The following BICRAL variants were observed in gnomAD, a reference collection of about 807,000 sequenced individuals.
BICRAL encodes the protein BRD4-interacting chromatin-remodeling complex-associated protein-like.
Under a neutral mutation model 91.8 loss-of-function variants are expected in BICRAL, and 8 were observed. That is an observed-to-expected ratio of 0.09 (90% CI 0.05 to 0.16). BICRAL has a LOEUF of 0.16. Among genes scored for constraint, BICRAL ranks in the 10% least tolerant of loss-of-function variants. BICRAL has a pLI of 1.00. For synonymous variants in BICRAL, 445 were observed against 491.1 expected (o/e 0.91, Z 1.24); for missense variants, 1,038 against 1,310.9 (o/e 0.79, Z 3.21).
intron 1 of BICRAL, among the ~76,000 whole-genome samples, chr6:42,787,137 T>C (rs147785802): frequency 2.4e-4 from 37 of 152,232 alleles, no homozygotes; most frequent in Non-Finnish European, 4.3e-4. Flanking sequence ...CTTTTACATA[T>C]GTATTTTGGA....
intron 1 of BICRAL, among the ~76,000 whole-genome samples, chr6:42,750,415 C>T (rs903480335): frequency 2.0e-5 from 3 of 151,992 alleles, no homozygotes; most frequent in Non-Finnish European, 4.4e-5. Context: ...CTGCCCACCT[C>T]GGCCCCTGGA....
rs59693040 is a variant in BICRAL, at chr6:42,832,578, CGT to C, written c.1839+2435_1839+2436del. 9.4e-3 allele frequency among the ~76,000 whole-genome samples: 1,334 copies of C among 142,390 alleles called. 12 individuals are homozygous for C. The highest frequency in any genetic ancestry group is 0.022 in the African/African-American group (868 of 38,898). The allele number at this position is 142,390 out of a possible 152,430, so 93.4% of individuals were successfully genotyped here. On this transcript the variant is annotated intron_variant, in intron 6 of 12. Coordinates refer to ENST00000314073, the MANE Select transcript of BICRAL (RefSeq NM_001393499.1). ...TTTGGTTTCAAAGATATCAAAGGGG[CGT>C]GTGTGTGTGTGTGTGTGTGTGTGTG...
chr6:42,812,231 G>A (rs1763860436), intron 2 of BICRAL, among the ~76,000 whole-genome samples: 1 of 152,146 alleles, frequency 6.6e-6, no homozygotes, highest in Non-Finnish European at 1.5e-5. Flanking sequence ...TGGCGGAGGT[G>A]GCGGATTGCT....
At chr6:42,789,420 C>G (rs548192642) in intron 1 of BICRAL, among the ~76,000 whole-genome samples, 3 of 152,016 alleles carry the variant, frequency 2.0e-5, no homozygotes, top group Non-Finnish European at 4.4e-5. Flanking sequence ...GCAGGCAAAT[C>G]GTTTGAGGCC....
At chr6:42,848,594 C>T (rs925933182) in intron 6 of BICRAL, among the ~76,000 whole-genome samples, 6 of 152,310 alleles carry the variant, frequency 3.9e-5, no homozygotes, top group Admixed American at 2.0e-4. Flanking sequence ...CCTATAACCC[C>T]GCACTTTAGG....
At chr6:42,813,663 G>A (rs1763899662) in intron 2 of BICRAL, among the ~76,000 whole-genome samples, 1 of 152,046 alleles carries the variant, frequency 6.6e-6, no homozygotes, top group African/African-American at 2.4e-5. Flanking sequence ...TGGGATTACA[G>A]GTGCGCACCA....
At chr6:42,757,944 G>A (rs1203246411) in intron 1 of BICRAL, among the ~76,000 whole-genome samples, 2 of 152,182 alleles carry the variant, frequency 1.3e-5, no homozygotes, top group Non-Finnish European at 2.9e-5. Flanking sequence ...TGGCTCCTGA[G>A]TTCAGGCTTC....
At chr6:42,781,033 G>C (rs545869512), upstream of BICRAL, among the ~76,000 whole-genome samples, 1 of 151,870 alleles carries the variant, frequency 6.6e-6, no homozygotes, top group Non-Finnish European at 1.5e-5. Context: ...CACCGCGCCC[G>C]GCCTGGGCCA....
intron 2 of BICRAL, among the ~76,000 whole-genome samples, chr6:42,815,294 A>G (rs1451112180): frequency 6.6e-6 from 1 of 150,554 alleles, no homozygotes; most frequent in Non-Finnish European, 1.5e-5. Flanking sequence ...GGATCAGGCA[A>G]TTCTCCTGCC....
chr6:42,832,819 A>G (rs1764531299), intron 6 of BICRAL, among the ~76,000 whole-genome samples: 2 of 152,156 alleles, frequency 1.3e-5, no homozygotes, highest in African/African-American at 2.4e-5. Context: ...AATTACCTCA[A>G]TGTGTATTTG....
intron 8 of BICRAL, 81 bp from the exon 9 acceptor site, chr6:42,855,775 T>C (rs951286511): frequency 3.7e-6 from 4 of 1,078,520 alleles, no homozygotes; most frequent in Admixed American, 1.9e-5. Flanking sequence ...GTTGAAAATA[T>C]GTGAACTATA....
At chr6:42,747,484 G>T (rs988224668) in intron 1 of BICRAL, among the ~76,000 whole-genome samples, 11 of 152,216 alleles carry the variant, frequency 7.2e-5, no homozygotes, top group Non-Finnish European at 1.3e-4. Flanking sequence ...AATTAAATCT[G>T]AGTTAAAACT....
At chr6:42,753,871 C>T (rs1340916627) in intron 1 of BICRAL, among the ~76,000 whole-genome samples, 1 of 152,154 alleles carries the variant, frequency 6.6e-6, no homozygotes, top group African/African-American at 2.4e-5. Flanking sequence ...CTCAGCTTCC[C>T]AAAGTGCTGG....
intron 6 of BICRAL, among the ~76,000 whole-genome samples, chr6:42,833,121 T>C (rs1383706632): frequency 2.0e-5 from 3 of 151,308 alleles, no homozygotes; most frequent in Admixed American, 1.3e-4. Flanking sequence ...AGTAGCCCGA[T>C]CTCAGCTCAC....
intron 1 of BICRAL, among the ~76,000 whole-genome samples, chr6:42,791,053 T>C (rs973917435): frequency 1.7e-4 from 26 of 151,988 alleles, no homozygotes; most frequent in Non-Finnish European, 2.8e-4. Flanking sequence ...CCTGCCCTTT[T>C]GTAGTGCAGT....
chr6:42,779,255 CACACACACACACACACACAT>C (rs1248514727), upstream of BICRAL, among the ~76,000 whole-genome samples: 1 of 149,748 alleles, frequency 6.7e-6, no homozygotes, highest in East Asian at 2.0e-4. Context: ...CACACACACA[CACACACACACACACACACAT>C]ATCATTGGAG....
chr6:42,832,866 A>G (rs1764533283), intron 6 of BICRAL, among the ~76,000 whole-genome samples: 1 of 152,118 alleles, frequency 6.6e-6, no homozygotes, highest in African/African-American at 2.4e-5. Flanking sequence ...ACCACAGTAC[A>G]GTAATGAACA....
At chr6:42,846,176 A>G (rs2114000252) in intron 6 of BICRAL, among the ~76,000 whole-genome samples, 1 of 151,792 alleles carries the variant, frequency 6.6e-6, no homozygotes, top group South Asian at 2.1e-4. Flanking sequence ...GGAGGTCGAG[A>G]CGAGCCTGAC....
intron 12 of BICRAL, among the ~76,000 whole-genome samples, chr6:42,863,597 T>C (rs1765621781): frequency 6.6e-6 from 1 of 152,242 alleles, no homozygotes; most frequent in Non-Finnish European, 1.5e-5. Context: ...GTTTTCTGTT[T>C]CCTGGTGTCT....
Sources: allele counts gnomAD v4.1 joint callset (sites outside exome capture counted in the v4.1 genomes callset), GRCh38; gene constraint gnomAD v4.1.1; transcripts MANE v1.5; gene names NCBI Gene and HGNC (gene_info 2026-07-23, HGNC 2026-07-21).